GRK5: variants seen among roughly 807,000 people sequenced by gnomAD.
GRK5 encodes the protein G protein-coupled receptor kinase 5.
GRK5 carries 40 observed loss-of-function variants against 78.4 expected under a neutral mutation model. The ratio of observed to expected loss-of-function variants is 0.51; its 90% CI spans 0.40 to 0.66. The LOEUF is 0.66. GRK5 is among the 30% of genes least tolerant of loss of function. The pLI, the probability that GRK5 is intolerant of heterozygous loss-of-function variation, is 0.00. For synonymous variants in GRK5, 289 were observed against 296.8 expected (o/e 0.97, Z 0.27); for missense variants, 598 against 759.9 (o/e 0.79, Z 2.50).
At chr10:119,224,126 C>G (rs997742623) in intron 1 of GRK5, among the ~76,000 whole-genome samples, 2 of 152,264 alleles carry the variant, frequency 1.3e-5, no homozygotes, top group Middle Eastern at 3.4e-3. Context: ...CAGTGAATAG[C>G]CACTGCACTC....
intron 1 of GRK5, among the ~76,000 whole-genome samples, chr10:119,299,681 G>T (rs1461109728): frequency 2.0e-5 from 3 of 152,162 alleles, no homozygotes; most frequent in Admixed American, 2.0e-4. Flanking sequence ...AGAAGGAAGT[G>T]CAGAGAAGGA....
At chr10:119,397,115 A>T (rs1316147913) in intron 4 of GRK5, among the ~76,000 whole-genome samples, 1 of 152,212 alleles carries the variant, frequency 6.6e-6, no homozygotes, top group Non-Finnish European at 1.5e-5. Context: ...CCCAGAAGGA[A>T]GGGCTTAGCA....
chr10:119,268,545 T>C (rs1479544491), intron 1 of GRK5, among the ~76,000 whole-genome samples: 2 of 152,208 alleles, frequency 1.3e-5, no homozygotes, highest in Non-Finnish European at 2.9e-5. Context: ...CTTACCTCCT[T>C]TGAGATTCAA....
intron 4 of GRK5, among the ~76,000 whole-genome samples, chr10:119,404,118 G>A (rs895075526): frequency 1.3e-5 from 2 of 152,120 alleles, no homozygotes; most frequent in African/African-American, 4.8e-5. Context: ...TCAAAGCACT[G>A]TACCATTTTA....
intron 6 of GRK5, among the ~76,000 whole-genome samples, chr10:119,425,387 C>T (rs1331309226): frequency 6.6e-6 from 1 of 152,094 alleles, no homozygotes; most frequent in African/African-American, 2.4e-5. Context: ...TGCCATATTC[C>T]TTGGAATAGT....
rs1853201764 is a variant in GRK5 at position 119,448,344 on chromosome 10, T to C, written c.1404+84T>C. On this transcript the variant is annotated intron_variant, in intron 13 of 15. Transcript: ENST00000392870. ...CGAGTGCTGCCTCACAGTGAGCTGG[T>C]GCAGAGTGTGGGGCACATCGTGTCT... 5.5e-6 allele frequency: 8 copies of C among 1,442,518 alleles called. No individual in the cohort carries two copies. The South Asian group carries it at 9.3e-5, about 17-fold the overall frequency. The allele number at this position is 1,442,518 out of a possible 1,614,324, so 89.4% of individuals were successfully genotyped here.
chr10:119,365,215 G>A (rs1410166894), intron 2 of GRK5, among the ~76,000 whole-genome samples: 1 of 152,220 alleles, frequency 6.6e-6, no homozygotes, highest in Non-Finnish European at 1.5e-5. Context: ...TATTTGTATA[G>A]CTGAGAAAGC....
At chr10:119,265,546 T>C (rs1223136363) in intron 1 of GRK5, among the ~76,000 whole-genome samples, 2 of 152,146 alleles carry the variant, frequency 1.3e-5, no homozygotes, top group Non-Finnish European at 2.9e-5. Context: ...AGTAAGAAGG[T>C]GGCCTGCACT....
chr10:119,218,074 T>TG (rs1848603273), intron 1 of GRK5, among the ~76,000 whole-genome samples: 2 of 146,498 alleles, frequency 1.4e-5, no homozygotes, highest in African/African-American at 5.0e-5. Context: ...GTCAACCCGT[T>TG]TGTGTGTGTG....
chr10:119,335,129 CCTCTCTCTCTCTCTCTCTCTCTCT>C (rs71016564), intron 2 of GRK5: 1 of 9,872 alleles, frequency 1.0e-4, no homozygotes, highest in Non-Finnish European at 1.8e-4. Flanking sequence ...GCCTGCCTTG[CCTCTCTCTCTCTCTCTCTCTCTCT>C]CTCTCTCTCT....
Position 119,430,407 on chromosome 10 carries a change from A to AT in GRK5, c.567dup (p.Arg190SerfsTer21), listed in dbSNP as rs1299726342. Reference sequence around the variant, plus strand: ...GTGACCAAAAACACTTTCAGGCAGTATCGAGTGCTAGGAAAAGGGGGCTTC... The same window carrying AT: ...GTGACCAAAAACACTTTCAGGCAGTATTCGAGTGCTAGGAAAAGGGGGCTTC... On this transcript the variant is annotated frameshift_variant, in exon 7 of 16. Coordinates refer to ENST00000392870, the MANE Select transcript of GRK5 (RefSeq NM_005308.3). LOFTEE classifies it high-confidence loss of function. The surrounding 1 kb of genome is among the most constrained non-coding windows in gnomAD (Gnocchi z 4.5). 4 of 1,613,222 alleles carry AT rather than the reference A, an allele frequency of 2.5e-6. No homozygotes were observed. Among genetic ancestry groups the AT allele is most frequent in the Non-Finnish European group, 3.4e-6 (4 of 1,179,742 alleles).
intron 4 of GRK5, among the ~76,000 whole-genome samples, chr10:119,405,601 C>T (rs1852224673): frequency 1.4e-5 from 2 of 139,230 alleles, no homozygotes; most frequent in African/African-American, 2.7e-5. Context: ...GCCGAACAAA[C>T]CCACGCAGGC....
intron 1 of GRK5, among the ~76,000 whole-genome samples, chr10:119,208,236 C>G (rs542758574): frequency 6.6e-6 from 1 of 152,250 alleles, no homozygotes; most frequent in Admixed American, 6.5e-5. Context: ...GCAGAGCGTG[C>G]CATCTCGGCA....
chr10:119,323,491 T>C (rs1313122873), intron 1 of GRK5, among the ~76,000 whole-genome samples: 5 of 152,130 alleles, frequency 3.3e-5, no homozygotes, highest in Non-Finnish European at 7.4e-5. Flanking sequence ...GGCTGATTTC[T>C]TGAGAGGGTG....
intron 2 of GRK5, among the ~76,000 whole-genome samples, chr10:119,330,988 T>A (rs765711893): frequency 6.6e-6 from 1 of 152,148 alleles, no homozygotes; most frequent in African/African-American, 2.4e-5. Context: ...CTCCTCCCCA[T>A]AAGCTTCCAG....
At chr10:119,228,363 C>T (rs748523703) in intron 1 of GRK5, among the ~76,000 whole-genome samples, 2 of 145,590 alleles carry the variant, frequency 1.4e-5, no homozygotes. Flanking sequence ...CAAAACAAAA[C>T]AAAAAACCAA....
intron 4 of GRK5, among the ~76,000 whole-genome samples, chr10:119,410,867 G>A (rs975892134): frequency 7.7e-5 from 3 of 38,800 alleles, no homozygotes; most frequent in East Asian, 3.0e-4. Flanking sequence ...GGAGCCACCT[G>A]TGTCTAAAGA....
intron 1 of GRK5, among the ~76,000 whole-genome samples, chr10:119,307,380 A>T (rs1850289008): frequency 6.6e-6 from 1 of 152,108 alleles, no homozygotes; most frequent in African/African-American, 2.4e-5. Flanking sequence ...TTCAGATGTG[A>T]TTAAGTTAAG....
At chr10:119,279,307 G>A (rs1485784718) in intron 1 of GRK5, among the ~76,000 whole-genome samples, 2 of 152,192 alleles carry the variant, frequency 1.3e-5, no homozygotes, top group African/African-American at 4.8e-5. Flanking sequence ...GTCATGTTCT[G>A]AGGTGCTGGG....
Sources: allele counts gnomAD v4.1 joint callset (sites outside exome capture counted in the v4.1 genomes callset), GRCh38; gene constraint gnomAD v4.1.1; non-coding constraint Gnocchi (gnomAD v3.1); transcripts MANE v1.5; gene names NCBI Gene and HGNC (gene_info 2026-07-23, HGNC 2026-07-21).